The following CSMD1 variants were observed in gnomAD, a reference collection of about 807,000 sequenced individuals.
CSMD1 encodes the protein CUB and sushi domain-containing protein 1.
CSMD1 carries 213 observed loss-of-function variants against 417.5 expected under a neutral mutation model. The observed-to-expected ratio is 0.51, with a 90% CI of 0.46 to 0.57. The LOEUF (loss-of-function observed/expected upper bound fraction) is 0.57, where lower values mean the gene tolerates loss of function less well. CSMD1 is among the 20% of genes least tolerant of loss of function. The probability of loss-of-function intolerance (pLI) is 0.00; values close to 1 mark genes in which losing one functional copy is unlikely to be tolerated. For missense variants in CSMD1, 6,923 were observed against 4,529.7 expected (o/e 1.53, Z -15.17); for synonymous variants, 2,862 against 1,736.8 (o/e 1.65, Z -16.11).
At chr8:3,734,175 A>T (rs1796408133) in intron 6 of CSMD1, among the ~76,000 whole-genome samples, 1 of 152,222 alleles carries the variant, frequency 6.6e-6, no homozygotes, top group Non-Finnish European at 1.5e-5. Context: ...TACTACTTAA[A>T]ACATTGAGCT....
At chr8:4,453,891 G>A (rs1260090253) in intron 2 of CSMD1, among the ~76,000 whole-genome samples, 1 of 129,974 alleles carries the variant, frequency 7.7e-6, no homozygotes, top group East Asian at 2.4e-4. Flanking sequence ...GCGCGACCTC[G>A]GCTCACTGCC....
chr8:3,699,545 T>A (rs148831121), intron 7 of CSMD1, among the ~76,000 whole-genome samples: 1 of 152,216 alleles, frequency 6.6e-6, no homozygotes, highest in Non-Finnish European at 1.5e-5. Flanking sequence ...TCTATTTCTA[T>A]GGATTTCTAT....
chr8:4,764,905 A>AC (rs1491548478), intron 1 of CSMD1, among the ~76,000 whole-genome samples: 2 of 554 alleles, frequency 3.6e-3, no homozygotes, highest in African/African-American at 5.3e-3. Flanking sequence ...CAACAACAAC[A>AC]AAAAAAAACC....
At chr8:4,921,656 C>A (rs1338956084) in intron 1 of CSMD1, among the ~76,000 whole-genome samples, 1 of 152,160 alleles carries the variant, frequency 6.6e-6, no homozygotes, top group African/African-American at 2.4e-5. Flanking sequence ...GAATTACCCA[C>A]AGAAGTGATG....
intron 1 of CSMD1, among the ~76,000 whole-genome samples, chr8:4,757,805 G>T (rs191558608): frequency 6.6e-6 from 1 of 151,752 alleles, no homozygotes; most frequent in African/African-American, 2.4e-5. Flanking sequence ...CTAAAAATAG[G>T]AAAATTAGCG....
At chr8:3,128,850 G>A in intron 41 of CSMD1, 1 of 454,108 alleles carries the variant, frequency 2.2e-6, no homozygotes, top group Non-Finnish European at 4.4e-6. Context: ...CATCTGGCTT[G>A]GAATGGGGTG....
rs1015299911 is a variant in CSMD1, at chr8:4,656,803, T to C, written c.86-19245A>G. On this transcript the variant is annotated intron_variant, in intron 1 of 69. Coordinates refer to ENST00000635120, the MANE Select transcript of CSMD1 (RefSeq NM_033225.6). ...AGAAAGGACCGTCCTGCGGGGATTC[T>C]CGGTGTAAAGGAGAACCCTTCCCCA... Among the ~76,000 whole-genome samples, 3 of 152,070 alleles carry C rather than the reference T, an allele frequency of 2.0e-5. No homozygotes were observed. In the East Asian group the frequency reaches 5.8e-4, roughly 29 times the overall value.
At chr8:3,997,189 G>C (rs1289012335) in intron 5 of CSMD1, among the ~76,000 whole-genome samples, 1 of 152,170 alleles carries the variant, frequency 6.6e-6, no homozygotes, top group Admixed American at 6.5e-5. Flanking sequence ...CTTAATTCAA[G>C]ATAGAAATTA....
chr8:4,293,872 T>C (rs554975733), intron 3 of CSMD1, among the ~76,000 whole-genome samples: 42 of 152,084 alleles, frequency 2.8e-4, no homozygotes, highest in Non-Finnish European at 4.6e-4. Context: ...GACTCAGTGG[T>C]GAGACCAGAT....
intron 5 of CSMD1, among the ~76,000 whole-genome samples, chr8:3,804,919 G>A (rs1249003416): frequency 1.3e-5 from 2 of 152,148 alleles, no homozygotes; most frequent in African/African-American, 4.8e-5. Flanking sequence ...TAGAGTTTCA[G>A]GTTAGTAGCA....
intron 7 of CSMD1, among the ~76,000 whole-genome samples, chr8:3,680,257 T>G (rs1369401952): frequency 1.7e-4 from 26 of 152,078 alleles, no homozygotes; most frequent in Admixed American, 1.7e-3. Context: ...AGCTGGTTTT[T>G]TGAAAAGATC....
intron 5 of CSMD1, among the ~76,000 whole-genome samples, chr8:3,922,412 G>A (rs1189863117): frequency 1.3e-5 from 2 of 151,910 alleles, no homozygotes; most frequent in East Asian, 3.9e-4. Flanking sequence ...CTACTGCCAT[G>A]TTATTAAACT....
intron 1 of CSMD1, among the ~76,000 whole-genome samples, chr8:4,888,541 T>G (rs1284989111): frequency 1.3e-5 from 2 of 151,990 alleles, no homozygotes; most frequent in Non-Finnish European, 2.9e-5. Context: ...TATGTGTGTG[T>G]TTATGTGAGA....
In CSMD1 at chr8:3,029,345, A is replaced by G. The variant is rs1251312265; in HGVS notation, c.7829T>C (p.Ile2610Thr). Residue 2610 changes from isoleucine (I) to threonine (T), a missense_variant, in exon 51 of 70, where the codon ATA becomes ACA. By Grantham distance (89) the Ile-to-Thr change is moderately conservative. Transcript: ENST00000635120. The stretch of plus-strand genomic sequence containing the variant: ...TCGACAGCTTGGCCTCTCATCTCCT[A>G]TGTTCCACGTCCCATTGGCCTGGCA... ...LRCQANGTWN[I>T]GDERPSCRVI... 3 of 1,609,990 alleles carry G rather than the reference A, an allele frequency of 1.9e-6. No homozygotes were observed. Among genetic ancestry groups the G allele is most frequent in the Non-Finnish European group, 1.7e-6 (2 of 1,179,110 alleles).
chr8:3,945,644 G>A (rs17068124), intron 5 of CSMD1, among the ~76,000 whole-genome samples: 33 of 152,032 alleles, frequency 2.2e-4, no homozygotes, highest in African/African-American at 8.0e-4. Context: ...TATTAACTAA[G>A]CCTGATGTAT....
chr8:3,849,699 G>C (rs1803757646), intron 5 of CSMD1, among the ~76,000 whole-genome samples: 1 of 152,188 alleles, frequency 6.6e-6, no homozygotes, highest in Non-Finnish European at 1.5e-5. Flanking sequence ...CTGAAATCAG[G>C]ATCGGCACAG....
At chr8:4,567,444 G>A (rs1338120809) in intron 2 of CSMD1, among the ~76,000 whole-genome samples, 1 of 152,024 alleles carries the variant, frequency 6.6e-6, no homozygotes, top group East Asian at 1.9e-4. Context: ...TTCCTACCTC[G>A]TCTCTTTTCT....
intron 5 of CSMD1, among the ~76,000 whole-genome samples, chr8:3,919,248 T>TA (rs927499263): frequency 4.7e-5 from 7 of 149,748 alleles, no homozygotes; most frequent in East Asian, 2.0e-4. Context: ...CAAGGATTTT[T>TA]AAAAAATGTT....
At chr8:4,762,278 G>A (rs540030434) in intron 1 of CSMD1, among the ~76,000 whole-genome samples, 28 of 152,096 alleles carry the variant, frequency 1.8e-4, no homozygotes, top group African/African-American at 4.6e-4. Flanking sequence ...TGTGGTTTAC[G>A]GGTAATTGGG....
Sources: allele counts gnomAD v4.1 joint callset (sites outside exome capture counted in the v4.1 genomes callset), GRCh38; gene constraint gnomAD v4.1.1; transcripts MANE v1.5; gene names NCBI Gene and HGNC (gene_info 2026-07-23, HGNC 2026-07-21).